DOCK2: variants seen among roughly 807,000 people sequenced by gnomAD.
The protein encoded by DOCK2 is dedicator of cytokinesis protein 2.
In DOCK2, 87 loss-of-function variants were observed where a neutral mutation model predicts 248.9. That is an observed-to-expected ratio of 0.35 (90% CI 0.29 to 0.42). DOCK2 has a LOEUF of 0.42. Ranked by LOEUF, DOCK2 falls within the 10% of genes least tolerant of loss-of-function variation. The pLI, the probability that DOCK2 is intolerant of heterozygous loss-of-function variation, is 1.00. For synonymous variants in DOCK2, 805 were observed against 821.6 expected, an observed-to-expected ratio of 0.98 and a Z score of 0.35; for missense variants, 1,747 against 2,300.2, an observed-to-expected ratio of 0.76 and a Z score of 4.92.
At chr5:169,782,373 T>C (rs1317118957) in intron 25 of DOCK2, among the ~76,000 whole-genome samples, 3 of 152,082 alleles carry the variant, frequency 2.0e-5, no homozygotes, top group Non-Finnish European at 1.5e-5. Context: ...GAAACTGTGG[T>C]TGTAGTCTCC....
intron 20 of DOCK2, 134 bp from the exon 21 acceptor site, chr5:169,717,250 A>G: frequency 1.5e-6 from 1 of 672,370 alleles, no homozygotes; most frequent in Admixed American, 2.4e-5. Flanking sequence ...CTACCTTAAT[A>G]AAGAGAACTC....
At position 170,046,769 on chromosome 5, in the gene DOCK2, TAC is replaced by T. The variant is rs58071736; in HGVS notation, c.3967-721_3967-720del. ...TGCCTATGCCCAAGACACACACACA[TAC>T]ACACACACACACACACACAGGATAC... is the stretch of plus-strand genomic sequence containing the variant. On this transcript the variant is annotated intron_variant, in intron 39 of 51. Transcript: ENST00000520908. Among the ~76,000 whole-genome samples the T allele has an allele frequency of 3.8e-3, 557 of 148,354 alleles. 16 individuals are homozygous for T. The South Asian group carries it at 0.06, about 16-fold the overall frequency.
Position 169,698,432 on chromosome 5 carries a change from C to G in DOCK2, c.1038C>G (p.His346Gln). The change falls in exon 11 of 52, where the codon CAC becomes CAG. Residue 346 changes from histidine (H) to glutamine (Q), a missense_variant. His to Gln is a conservative substitution (Grantham distance 24, BLOSUM62 0). This residue lies in a region of DOCK2 where 375 missense variants were observed against 510.9 expected (regional missense o/e 0.73). Transcript: ENST00000520908. ...CAGAGAGTGATGAAGAAAAGCAGCA[C>G]TTCATTCCTTTTCACCCGTAAGACA... is the stretch of plus-strand genomic sequence containing the variant. The part of the protein sequence containing the change: ...GKAESDEEKQ[H>Q]FIPFHPVTAE... 1 of 1,614,074 alleles carries G rather than the reference C, an allele frequency of 6.2e-7. No homozygotes were observed. The highest frequency in any genetic ancestry group is 8.5e-7 in the Non-Finnish European group (1 of 1,179,926).
intron 33 of DOCK2, among the ~76,000 whole-genome samples, chr5:170,020,805 G>C (rs1437669926): frequency 2.6e-5 from 4 of 152,202 alleles, no homozygotes; most frequent in Admixed American, 2.6e-4. Flanking sequence ...ATATGTCCAT[G>C]AAGCACTGAT....
rs1757931054 is a variant in DOCK2 at position 170,078,944 on chromosome 5, A to G, written c.4995-31A>G. Reference sequence around the variant, plus strand: ...GCAGTTCTACTGAAGCTCTAACTGCAGTTTCTATTGCTGCCCCTCTGGCCT... The same window carrying G: ...GCAGTTCTACTGAAGCTCTAACTGCGGTTTCTATTGCTGCCCCTCTGGCCT... On this transcript the variant is annotated intron_variant, in intron 48 of 51. Coordinates refer to ENST00000520908, the MANE Select transcript of DOCK2 (RefSeq NM_004946.3). 1.9e-6 allele frequency: 3 copies of G among 1,611,676 alleles called. No individual in the cohort carries two copies. In the East Asian group the frequency reaches 6.7e-5, roughly 36 times the overall value.
At chr5:169,686,874 G>A (rs1332449799) in intron 8 of DOCK2, among the ~76,000 whole-genome samples, 1 of 152,186 alleles carries the variant, frequency 6.6e-6, no homozygotes, top group African/African-American at 2.4e-5. Context: ...TATCAGGCTA[G>A]CAGTAAGGCT....
intron 19 of DOCK2, among the ~76,000 whole-genome samples, chr5:169,715,799 G>A (rs1266879928): frequency 6.6e-6 from 1 of 151,940 alleles, no homozygotes; most frequent in Non-Finnish European, 1.5e-5. Context: ...TAGTCCCCCG[G>A]GGTAATCACT....
At chr5:169,801,827 T>C (rs63388860) in intron 25 of DOCK2, among the ~76,000 whole-genome samples, 1 of 139,418 alleles carries the variant, frequency 7.2e-6, no homozygotes, top group Non-Finnish European at 1.6e-5. Flanking sequence ...TTTTTTTTTT[T>C]CCTGTAATCA....
At chr5:169,647,363 T>G (rs1269324139) in intron 1 of DOCK2, among the ~76,000 whole-genome samples, 1 of 150,624 alleles carries the variant, frequency 6.6e-6, no homozygotes, top group African/African-American at 2.4e-5. Flanking sequence ...GGTGGGTAGA[T>G]GAGTGGAGGG....
Position 169,700,148 on chromosome 5 carries a change from CA to C in DOCK2, c.1258+10del, listed in dbSNP as rs1289278363. 2.5e-6 allele frequency: 4 copies of C among 1,612,918 alleles called. No homozygotes were observed. In the African/African-American group the frequency reaches 4.0e-5, roughly 16 times the overall value. On this transcript the variant is annotated intron_variant, in intron 13 of 51. Transcript: ENST00000520908. ...AGAGATCATCATGCCAGGTGAGACA[CA>C]GCTGCTCTGACCTTCCCCTGGGGAC...
intron 27 of DOCK2, among the ~76,000 whole-genome samples, chr5:169,908,629 T>C (rs2113610967): frequency 6.6e-6 from 1 of 152,330 alleles, no homozygotes; most frequent in Non-Finnish European, 1.5e-5. Flanking sequence ...ATGACCAATG[T>C]TGCAAAACTA....
chr5:169,917,684 A>G (rs1243732123), intron 27 of DOCK2, among the ~76,000 whole-genome samples: 1 of 152,214 alleles, frequency 6.6e-6, no homozygotes, highest in Non-Finnish European at 1.5e-5. Context: ...AATGAAGGGG[A>G]GAACATGTCC....
intron 25 of DOCK2, among the ~76,000 whole-genome samples, chr5:169,784,492 A>G (rs537363575): frequency 1.3e-5 from 2 of 152,356 alleles, no homozygotes; most frequent in South Asian, 4.1e-4. Context: ...TTTCATTTGC[A>G]GAGTAAGCAA....
chr5:169,730,104 GCA>G (rs1762692087), intron 22 of DOCK2, among the ~76,000 whole-genome samples: 1 of 152,086 alleles, frequency 6.6e-6, no homozygotes, highest in Non-Finnish European at 1.5e-5. Flanking sequence ...CTACAGGCAT[GCA>G]CCACCACACC....
intron 27 of DOCK2, among the ~76,000 whole-genome samples, chr5:169,888,606 T>A (rs893776590): frequency 2.6e-5 from 4 of 152,320 alleles, no homozygotes; most frequent in Non-Finnish European, 4.4e-5. Flanking sequence ...CTTTTCTCAG[T>A]ATCTTTAGGC....
At chr5:169,691,660 A>G (rs1039924737) in intron 9 of DOCK2, among the ~76,000 whole-genome samples, 1 of 151,980 alleles carries the variant, frequency 6.6e-6, no homozygotes, top group Non-Finnish European at 1.5e-5. Context: ...TAGAGATGAG[A>G]TAAGACTTGG....
At chr5:169,943,753 G>A (rs2113710415) in intron 27 of DOCK2, among the ~76,000 whole-genome samples, 1 of 152,268 alleles carries the variant, frequency 6.6e-6, no homozygotes, top group South Asian at 2.1e-4. Flanking sequence ...GCCCTTCCCA[G>A]GCCTACTGAT....
At chr5:169,882,005 G>A (rs959445912) in intron 27 of DOCK2, among the ~76,000 whole-genome samples, 1 of 152,098 alleles carries the variant, frequency 6.6e-6, no homozygotes, top group Non-Finnish European at 1.5e-5. Flanking sequence ...TCTCTTTGCC[G>A]AAAATGAATT....
At chr5:169,825,896 G>A (rs1768823047) in intron 26 of DOCK2, among the ~76,000 whole-genome samples, 2 of 151,698 alleles carry the variant, frequency 1.3e-5, no homozygotes, top group South Asian at 4.2e-4. Context: ...CACCCTCTTG[G>A]TTATATGGTG....
Sources: allele counts gnomAD v4.1 joint callset (sites outside exome capture counted in the v4.1 genomes callset), GRCh38; gene constraint gnomAD v4.1.1; regional missense constraint gnomAD v4.1.1; transcripts MANE v1.5; gene names NCBI Gene and HGNC (gene_info 2026-07-23, HGNC 2026-07-21).